NPAS3: variants seen among roughly 807,000 people sequenced by gnomAD.
NPAS3 encodes neuronal PAS domain-containing protein 3.
In NPAS3, 14 loss-of-function variants were observed where a neutral mutation model predicts 73.1. The ratio of observed to expected loss-of-function variants is 0.19; its 90% CI spans 0.13 to 0.30. The LOEUF (loss-of-function observed/expected upper bound fraction) is 0.30, where lower values mean the gene tolerates loss of function less well. Among genes scored for constraint, NPAS3 ranks in the 10% least tolerant of loss-of-function variants. NPAS3 has a pLI of 1.00. For synonymous variants in NPAS3, 620 were observed against 541.5 expected (o/e 1.14, Z -2.01); for missense variants, 1,096 against 1,250.0 (o/e 0.88, Z 1.86).
chr14:33,721,471 C>T (rs1432561822), intron 6 of NPAS3, among the ~76,000 whole-genome samples: 2 of 151,948 alleles, frequency 1.3e-5, no homozygotes, highest in African/African-American at 2.4e-5. Context: ...TTTTAGCATG[C>T]GTAATTTTAA....
intron 5 of NPAS3, among the ~76,000 whole-genome samples, chr14:33,637,619 A>G (rs1174603239): frequency 6.6e-6 from 1 of 152,230 alleles, no homozygotes; most frequent in Non-Finnish European, 1.5e-5. Context: ...GAGGCCACAT[A>G]AAATCAATAC....
At chr14:33,485,521 C>A (rs1421918443) in intron 4 of NPAS3, among the ~76,000 whole-genome samples, 1 of 152,066 alleles carries the variant, frequency 6.6e-6, no homozygotes, top group Non-Finnish European at 1.5e-5. Context: ...AAATGCAGAC[C>A]TCTGGATTTA....
At chr14:33,423,919 TC>T (rs1220448905) in intron 4 of NPAS3, among the ~76,000 whole-genome samples, 1 of 152,010 alleles carries the variant, frequency 6.6e-6, no homozygotes, top group Admixed American at 6.6e-5. Context: ...CTCCATTTTT[TC>T]CTTCTTCAAA....
intron 4 of NPAS3, among the ~76,000 whole-genome samples, chr14:33,501,083 T>C (rs554837475): frequency 1.3e-5 from 2 of 152,172 alleles, no homozygotes; most frequent in African/African-American, 4.8e-5. Context: ...TAATGTTAGC[T>C]ACCAGAAGTC....
At chr14:33,185,221 G>C (rs1219152907) in intron 2 of NPAS3, among the ~76,000 whole-genome samples, 1 of 152,098 alleles carries the variant, frequency 6.6e-6, no homozygotes, top group East Asian at 1.9e-4. Flanking sequence ...AAAAATGTAA[G>C]GACCATTTTC....
chr14:33,676,781 A>C (rs1448552321), intron 6 of NPAS3, among the ~76,000 whole-genome samples: 1 of 152,258 alleles, frequency 6.6e-6, no homozygotes, highest in African/African-American at 2.4e-5. Context: ...GAGAATTAAA[A>C]GTATCAGGGA....
rs551328916 is a variant in NPAS3 at position 33,433,599 on chromosome 14, T to C, written c.468+66331T>C. 3.9e-5 allele frequency among the ~76,000 whole-genome samples: 6 copies of C among 152,238 alleles called. 1 individual carries two copies. Among genetic ancestry groups the C allele is most frequent in the Admixed American group, 2.0e-4 (3 of 15,288 alleles). On this transcript the variant is annotated intron_variant, in intron 4 of 11. Transcript: ENST00000356141. ...TACTTTGTTTCTCAGGGCAGACTTA[T>C]ATTGCTTTTCTTAGCAAGCAGCAGC...
chr14:33,392,474 T>C (rs2047048977), intron 4 of NPAS3, among the ~76,000 whole-genome samples: 1 of 152,148 alleles, frequency 6.6e-6, no homozygotes, highest in African/African-American at 2.4e-5. Flanking sequence ...TTTCTAAAAT[T>C]GACATATAAA....
intron 1 of NPAS3, among the ~76,000 whole-genome samples, chr14:33,036,945 C>G (rs1260187365): frequency 6.6e-6 from 1 of 152,116 alleles, no homozygotes; most frequent in Non-Finnish European, 1.5e-5. Context: ...CTACAGCCAT[C>G]TTATGAACTG....
intron 4 of NPAS3, among the ~76,000 whole-genome samples, chr14:33,555,912 G>GTGTA (rs1458504707): frequency 6.6e-6 from 1 of 151,908 alleles, no homozygotes; most frequent in Non-Finnish European, 1.5e-5. Context: ...GTGTGTGTGT[G>GTGTA]TGTGTTTCAC....
At chr14:32,980,508 G>A (rs768220901) in intron 1 of NPAS3, among the ~76,000 whole-genome samples, 141 of 152,120 alleles carry the variant, frequency 9.3e-4, no homozygotes, top group Admixed American at 2.4e-3. Context: ...TAACAAAAGG[G>A]GATATTAATT....
chr14:33,609,860 A>G (rs1457160495), intron 5 of NPAS3, among the ~76,000 whole-genome samples: 5 of 152,152 alleles, frequency 3.3e-5, no homozygotes, highest in African/African-American at 1.2e-4. Flanking sequence ...CGCAAGCATC[A>G]TCCCCCAGAT....
At chr14:33,795,645 A>G (rs185726681) in intron 10 of NPAS3, among the ~76,000 whole-genome samples, 12 of 152,330 alleles carry the variant, frequency 7.9e-5, no homozygotes, top group Middle Eastern at 3.4e-3. Context: ...GAAGTCATCT[A>G]TGTAGTTGTT....
At chr14:33,798,254 G>T (rs2063571754) in intron 11 of NPAS3, among the ~76,000 whole-genome samples, 1 of 152,184 alleles carries the variant, frequency 6.6e-6, no homozygotes, top group African/African-American at 2.4e-5. Context: ...CTTTGGGGAA[G>T]CGGACTTCCT....
At chr14:33,210,532 T>G (rs748871816) in intron 2 of NPAS3, among the ~76,000 whole-genome samples, 4 of 152,142 alleles carry the variant, frequency 2.6e-5, no homozygotes, top group Non-Finnish European at 4.4e-5. Flanking sequence ...TCTGGGGCTT[T>G]GCCTGATTTT....
chr14:33,196,972 C>G (rs1471820904), intron 2 of NPAS3, among the ~76,000 whole-genome samples: 1 of 152,072 alleles, frequency 6.6e-6, no homozygotes, highest in Non-Finnish European at 1.5e-5. Context: ...GGTCCAAATA[C>G]AGGTATTGAT....
rs1463324622 is a variant in NPAS3, at chr14:33,156,208, A to G, written c.141-58974A>G. ...TCTCAAATGAATACTCCTTTATTTC[A>G]TAGCAGGGATTGGCATTTGTGCAAT... On this transcript the variant is annotated intron_variant, in intron 2 of 11. Transcript: ENST00000356141. Among the ~76,000 whole-genome samples the G allele has an allele frequency of 2.0e-5, 3 of 152,222 alleles. No individual in the cohort carries two copies. In the East Asian group the frequency reaches 5.8e-4, roughly 29 times the overall value.
At chr14:33,160,817 G>A (rs773715944) in intron 2 of NPAS3, among the ~76,000 whole-genome samples, 10 of 151,650 alleles carry the variant, frequency 6.6e-5, no homozygotes, top group Non-Finnish European at 1.3e-4. Flanking sequence ...TTGAAGTTCC[G>A]CCATGTGGCC....
In NPAS3 at chr14:33,022,664, CAAAAA is replaced by C. The variant is rs34475386; in HGVS notation, c.51-33221_51-33217del. Among the ~76,000 whole-genome samples, 40 of 97,430 alleles carry C rather than the reference CAAAAA, an allele frequency of 4.1e-4. 1 individual carries two copies. In the South Asian group the frequency reaches 8.8e-3, roughly 21 times the overall value. The allele number at this position is 97,430 out of a possible 152,430, so 63.9% of individuals were successfully genotyped here. A position where few individuals can be genotyped will look rare whatever the true frequency, so the allele number is the denominator to read the frequency against. On this transcript the variant is annotated intron_variant, in intron 1 of 11. Coordinates refer to ENST00000356141, the Ensembl canonical transcript of NPAS3. ...TGGGCGACAGAGCGAGACTCCGTCC[CAAAAA>C]AAAAAAAAAAAAAAAAAAAGTTACT...
Sources: allele counts gnomAD v4.1 joint callset (sites outside exome capture counted in the v4.1 genomes callset), GRCh38; gene constraint gnomAD v4.1.1; transcripts MANE v1.5; gene names NCBI Gene and HGNC (gene_info 2026-07-23, HGNC 2026-07-21).